The following ADRA1A variants were observed in gnomAD, a reference collection of about 807,000 sequenced individuals.
ADRA1A encodes alpha-1A adrenergic receptor.
A neutral mutation model predicts 29.6 loss-of-function variants in ADRA1A; 31 were observed. The ratio of observed to expected loss-of-function variants is 1.05; its 90% CI spans 0.79 to 1.41. The LOEUF is 1.41. ADRA1A is among the 40% of genes most tolerant of loss of function. ADRA1A has a pLI of 0.00. For missense variants in ADRA1A, 619 were observed against 601.1 expected, an observed-to-expected ratio of 1.03 and a Z score of -0.31; for synonymous variants, 311 against 254.3, an observed-to-expected ratio of 1.22 and a Z score of -2.12.
rs1813900066 is a variant in ADRA1A, at chr8:26,866,245, G to T, written c.-686-590C>A. Among the ~76,000 whole-genome samples, 1 of 152,190 alleles carries T rather than the reference G, an allele frequency of 6.6e-6. No individual in the cohort carries two copies. Among genetic ancestry groups the T allele is most frequent in the Non-Finnish European group, 1.5e-5 (1 of 68,030 alleles). On this transcript the variant is annotated intron_variant, in intron 1 of 2. Coordinates refer to ENST00000380573, the MANE Select transcript of ADRA1A (RefSeq NM_000680.4). This position sits in a 1 kb window ranked among gnomAD's most constrained non-coding sequence, Gnocchi z 5.7. ...ACCAGCCAAGCTGGCTTGAGAGCCA[G>T]GTCCCGAGCGAAGCCGGGAGGGACC...
At chr8:26,862,751 G>A (rs550307318) in intron 2 of ADRA1A, among the ~76,000 whole-genome samples, 2 of 152,366 alleles carry the variant, frequency 1.3e-5, no homozygotes, top group Non-Finnish European at 2.9e-5. Flanking sequence ...TATCTCTGCT[G>A]TCTAAAACAG....
At chr8:26,754,843 T>A (rs1805082965), downstream of ADRA1A, among the ~76,000 whole-genome samples, 1 of 152,154 alleles carries the variant, frequency 6.6e-6, no homozygotes, top group African/African-American at 2.4e-5. Context: ...GCCCCACCTC[T>A]GCTCCATCAG....
intron 2 of ADRA1A, among the ~76,000 whole-genome samples, chr8:26,816,229 C>T (rs1452216511): frequency 6.6e-6 from 1 of 152,176 alleles, no homozygotes; most frequent in African/African-American, 2.4e-5. Context: ...CAAACCCTGT[C>T]ACCTTCAAGG....
In ADRA1A at chr8:26,796,048, A is replaced by G. The variant is rs901315278; in HGVS notation, c.884-25382T>C. On this transcript the variant is annotated intron_variant, in intron 2 of 2. Transcript: ENST00000380573. This position sits in a 1 kb window ranked among gnomAD's most constrained non-coding sequence, Gnocchi z 5.0. Reference sequence around the variant, plus strand: ...TCAGCTTTTGTTTAGATATAATAGTATTATTGTTATACATTTCAAAAAAAG... The same window carrying G: ...TCAGCTTTTGTTTAGATATAATAGTGTTATTGTTATACATTTCAAAAAAAG... 6.6e-6 allele frequency among the ~76,000 whole-genome samples: 1 copy of G among 152,148 alleles called. No individual in the cohort carries two copies. Among genetic ancestry groups the G allele is most frequent in the African/African-American group, 2.4e-5 (1 of 41,450 alleles).
At position 26,805,301 on chromosome 8, in the gene ADRA1A, G is replaced by T. The variant is rs57443388; in HGVS notation, c.884-34635C>A. ...TTAATTGTGCTTTCTTACATTTTGAGTGTTATGAGCTAGACAGTAAGTTAA... is the reference window on the plus strand; with the variant it reads ...TTAATTGTGCTTTCTTACATTTTGATTGTTATGAGCTAGACAGTAAGTTAA... On this transcript the variant is annotated intron_variant, in intron 2 of 2. Coordinates refer to ENST00000380573, the MANE Select transcript of ADRA1A (RefSeq NM_000680.4). The surrounding 1 kb of genome is among the most constrained non-coding windows in gnomAD (Gnocchi z 4.8). Among the ~76,000 whole-genome samples, 3,938 of 152,206 alleles carry T rather than the reference G, an allele frequency of 0.026. 75 individuals are homozygous for T. The highest frequency in any genetic ancestry group is 0.061 in the Middle Eastern group (18 of 294).
intron 2 of ADRA1A, among the ~76,000 whole-genome samples, chr8:26,849,557 C>T (rs934369685): frequency 2.0e-5 from 3 of 152,174 alleles, no homozygotes; most frequent in Non-Finnish European, 4.4e-5. Context: ...CTGGCAGATT[C>T]GAATCACAAC....
chr8:26,865,185 A>C lies in ADRA1A; in HGVS notation c.-216T>G. The C allele has an allele frequency of 7.2e-7, 1 of 1,397,792 alleles. No homozygotes were observed. Among genetic ancestry groups the C allele is most frequent in the Non-Finnish European group, 9.3e-7 (1 of 1,077,424 alleles). 86.6% of individuals were successfully genotyped at this position (1,397,792 alleles called of 1,614,324 possible). A position where few individuals can be genotyped will look rare whatever the true frequency, so the allele number is the denominator to read the frequency against. ...GGCCACATGAAGGGGCAGGGCATTAAAGACATGGCCAGGGGCGCGCGGGGC... is the reference window on the plus strand; with the variant it reads ...GGCCACATGAAGGGGCAGGGCATTACAGACATGGCCAGGGGCGCGCGGGGC... On this transcript the variant is annotated 5_prime_UTR_variant, in exon 2 of 3. Coordinates refer to ENST00000380573, the MANE Select transcript of ADRA1A (RefSeq NM_000680.4). The surrounding 1 kb of genome is among the most constrained non-coding windows in gnomAD (Gnocchi z 7.6).
chr8:26,834,107 G>T (rs1272598827), intron 2 of ADRA1A, among the ~76,000 whole-genome samples: 1 of 152,166 alleles, frequency 6.6e-6, no homozygotes, highest in Non-Finnish European at 1.5e-5. Flanking sequence ...TTATATGCCA[G>T]CATTAATTGT....
At chr8:26,857,627 C>A (rs750247710) in intron 2 of ADRA1A, among the ~76,000 whole-genome samples, 3 of 152,122 alleles carry the variant, frequency 2.0e-5, no homozygotes, top group Non-Finnish European at 2.9e-5. Context: ...TACCACTGAA[C>A]TCCAGTCTGG....
At chr8:26,776,116 A>G (rs1195469447) in intron 2 of ADRA1A, among the ~76,000 whole-genome samples, 2 of 152,078 alleles carry the variant, frequency 1.3e-5, no homozygotes, top group African/African-American at 2.4e-5. Context: ...ACAAGATAAA[A>G]CCATTTTTTC....
rs1422762537 is a variant in ADRA1A at position 26,768,941 on chromosome 8, G to A, written c.*1208C>T. The A allele has an allele frequency of 2.0e-6, 2 of 985,256 alleles. No individual in the cohort carries two copies. Among genetic ancestry groups the A allele is most frequent in the Non-Finnish European group, 2.4e-6 (2 of 829,924 alleles). The allele number at this position is 985,256 out of a possible 1,614,324, so 61.0% of individuals were successfully genotyped here. A position where few individuals can be genotyped will look rare whatever the true frequency, so the allele number is the denominator to read the frequency against. On this transcript the variant is annotated 3_prime_UTR_variant, in exon 3 of 3. Coordinates refer to ENST00000380573, the MANE Select transcript of ADRA1A (RefSeq NM_000680.4). ...ACTGGATCTTTTACCAGAACAAATG[G>A]CCTTCTATCAAAAAATGTTTGCAAA... is the stretch of plus-strand genomic sequence containing the variant.
chr8:26,794,272 A>G (rs1420450247), intron 2 of ADRA1A, among the ~76,000 whole-genome samples: 4 of 152,090 alleles, frequency 2.6e-5, no homozygotes, highest in African/African-American at 9.7e-5. Flanking sequence ...CATCATTTTC[A>G]TGCAACTTTA....
rs567620318 is a variant in ADRA1A, at chr8:26,803,445, T to G, written c.884-32779A>C. 1.4e-4 allele frequency among the ~76,000 whole-genome samples: 22 copies of G among 152,312 alleles called. No homozygotes were observed. In the South Asian group the frequency reaches 4.6e-3, roughly 32 times the overall value. Reference sequence around the variant, plus strand: ...CACAAAAATTAATTTGTATGGAGTCTGAACATAAACATAAAAGCTAAACCT... The same window carrying G: ...CACAAAAATTAATTTGTATGGAGTCGGAACATAAACATAAAAGCTAAACCT... On this transcript the variant is annotated intron_variant, in intron 2 of 2. Transcript: ENST00000380573.
At chr8:26,827,981 C>A (rs937653902) in intron 2 of ADRA1A, among the ~76,000 whole-genome samples, 1 of 152,142 alleles carries the variant, frequency 6.6e-6, no homozygotes, top group African/African-American at 2.4e-5. Context: ...GCCCCCTCAA[C>A]TTTCTGGGCT....
At position 26,769,159 on chromosome 8, in the gene ADRA1A, T is replaced by C. The variant is rs1805957527; in HGVS notation, c.*990A>G. ...AGACAATCTTTTGCCTTTCAAAATA[T>C]TATAAGCTCTGGATTTTCATAACAG... is the stretch of plus-strand genomic sequence containing the variant. On this transcript the variant is annotated 3_prime_UTR_variant, in exon 3 of 3. Coordinates refer to ENST00000380573, the MANE Select transcript of ADRA1A (RefSeq NM_000680.4). 1 of 985,454 alleles carries C rather than the reference T, an allele frequency of 1.0e-6. No homozygotes were observed. Among genetic ancestry groups the C allele is most frequent in the Non-Finnish European group, 1.2e-6 (1 of 829,928 alleles). 61.0% of individuals were successfully genotyped at this position (985,454 alleles called of 1,614,324 possible).
chr8:26,793,637 T>C (rs72609953), intron 2 of ADRA1A, among the ~76,000 whole-genome samples: 3,978 of 151,930 alleles, frequency 0.026, 76 homozygotes, highest in Admixed American at 0.06. Flanking sequence ...TAATAAGAAA[T>C]AATATATTTT....
intron 2 of ADRA1A, among the ~76,000 whole-genome samples, chr8:26,824,126 AG>A (rs2130611186): frequency 6.6e-6 from 1 of 152,292 alleles, no homozygotes; most frequent in East Asian, 1.9e-4. Flanking sequence ...GGAAAGAGAA[AG>A]GTATTAGAAA....
intron 2 of ADRA1A, among the ~76,000 whole-genome samples, chr8:26,794,079 C>T (rs1168109024): frequency 6.6e-6 from 1 of 151,916 alleles, no homozygotes; most frequent in Non-Finnish European, 1.5e-5. Flanking sequence ...ATCTACCAGT[C>T]TATTAAGTAA....
intron 2 of ADRA1A, among the ~76,000 whole-genome samples, chr8:26,840,699 C>A (rs1376665503): frequency 6.6e-6 from 1 of 151,814 alleles, no homozygotes; most frequent in East Asian, 1.9e-4. Flanking sequence ...TTGATTTATT[C>A]AAACCATATT....
Sources: allele counts gnomAD v4.1 joint callset (sites outside exome capture counted in the v4.1 genomes callset), GRCh38; gene constraint gnomAD v4.1.1; non-coding constraint Gnocchi (gnomAD v3.1); transcripts MANE v1.5; gene names NCBI Gene and HGNC (gene_info 2026-07-23, HGNC 2026-07-21).